MTA3: variants seen among roughly 807,000 people sequenced by gnomAD.
MTA3 encodes the protein metastasis associated 1 family member 3.
In MTA3, 34 loss-of-function variants were observed where a neutral mutation model predicts 83.5. The ratio of observed to expected loss-of-function variants is 0.41; its 90% CI spans 0.31 to 0.54. MTA3 has a LOEUF of 0.54. Among genes scored for constraint, MTA3 ranks in the 20% least tolerant of loss-of-function variants. The pLI, the probability that MTA3 is intolerant of heterozygous loss-of-function variation, is 0.33. For synonymous variants in MTA3, 303 were observed against 252.7 expected (o/e 1.20, Z -1.89); for missense variants, 761 against 726.4 (o/e 1.05, Z -0.55).
intron 2 of MTA3, among the ~76,000 whole-genome samples, chr2:42,533,606 G>A (rs1353249066): frequency 2.0e-5 from 3 of 148,880 alleles, no homozygotes; most frequent in African/African-American, 7.4e-5. Context: ...GGCCGAGGTG[G>A]GCGGATCACG....
intron 9 of MTA3, among the ~76,000 whole-genome samples, chr2:42,690,649 AATTATGGGGTACATG>A (rs1329688736): frequency 2.0e-5 from 3 of 147,430 alleles, no homozygotes; most frequent in Non-Finnish European, 4.5e-5. Context: ...AGGTGTATAT[AATTATGGGGTACATG>A]AAATTTTTTA....
chr2:42,515,266 C>G (rs888361706), intron 2 of MTA3, among the ~76,000 whole-genome samples: 2 of 151,760 alleles, frequency 1.3e-5, no homozygotes, highest in Admixed American at 6.6e-5. Flanking sequence ...ACCCTGTTGG[C>G]CAGGCTGGTC....
chr2:42,628,862 C>G (rs1199496099), intron 4 of MTA3, among the ~76,000 whole-genome samples: 1 of 146,532 alleles, frequency 6.8e-6, no homozygotes, highest in East Asian at 2.0e-4. Flanking sequence ...GTGTCAGAAA[C>G]AAATAAATGA....
At chr2:42,711,247 G>A (rs185242372) in intron 14 of MTA3, among the ~76,000 whole-genome samples, 4 of 152,178 alleles carry the variant, frequency 2.6e-5, no homozygotes, top group African/African-American at 4.8e-5. Context: ...CCCAGGGCTT[G>A]TGTGTTAATT....
chr2:42,662,846 C>A (rs1483496324), intron 8 of MTA3, among the ~76,000 whole-genome samples: 1 of 151,740 alleles, frequency 6.6e-6, no homozygotes, highest in Non-Finnish European at 1.5e-5. Flanking sequence ...ATTCTTCTGC[C>A]TCAGCCTCCC....
chr2:42,639,418 C>T lies in MTA3; in HGVS notation c.318-755C>T, dbSNP rs143126680. 2.6e-3 allele frequency among the ~76,000 whole-genome samples: 400 copies of T among 152,158 alleles called. 2 individuals carry two copies. The highest frequency in any genetic ancestry group is 8.3e-3 in the African/African-American group (345 of 41,520). ...TCCTGTCAGATTTCTATTAGTTATA[C>T]GGATTTTTTTAGGCTAGTTAGGGTC... is the stretch of plus-strand genomic sequence containing the variant. On this transcript the variant is annotated intron_variant, in intron 4 of 16. Coordinates refer to ENST00000405094, the MANE Select transcript of MTA3 (RefSeq NM_001330442.2).
At chr2:42,699,566 T>G (rs1693680968) in intron 11 of MTA3, among the ~76,000 whole-genome samples, 1 of 152,170 alleles carries the variant, frequency 6.6e-6, no homozygotes, top group Admixed American at 6.5e-5. Flanking sequence ...AGAGGAAAGA[T>G]AACACTAGCT....
rs1269501872 is a variant in MTA3 at position 42,640,216 on chromosome 2, T to G, written c.361T>G (p.Leu121Val). The G allele has an allele frequency of 1.9e-6, 3 of 1,607,392 alleles. No individual in the cohort carries two copies. The highest frequency in any genetic ancestry group is 2.5e-6 in the Non-Finnish European group (3 of 1,177,606). ...CCTTCTGAATGAGACAGAATCAGTA[T>G]TGTCATATCTTGATAAGGAGGTAAT... Reference protein sequence around the residue: ...VALLNETESVLSYLDKEDTFF... With the variant: ...VALLNETESVVSYLDKEDTFF... The change falls in exon 5 of 17, where the codon TTG (leucine) becomes GTG (valine). Residue 121 changes from leucine to valine, a missense_variant. Physicochemically the swap from Leu to Val is conservative, Grantham distance 32 (BLOSUM62 1). Coordinates refer to ENST00000405094, the MANE Select transcript of MTA3 (RefSeq NM_001330442.2).
intron 2 of MTA3, among the ~76,000 whole-genome samples, chr2:42,498,381 T>C (rs747155392): frequency 2.6e-5 from 4 of 152,090 alleles, no homozygotes; most frequent in Admixed American, 6.6e-5. Context: ...AAAGGAGAGC[T>C]TTATTGTTGT....
At chr2:42,686,340 A>T (rs778986630) in intron 9 of MTA3, among the ~76,000 whole-genome samples, 11 of 152,180 alleles carry the variant, frequency 7.2e-5, no homozygotes. Flanking sequence ...TCACTCCTTT[A>T]CAGTTTTTTA....
chr2:42,716,401 T>C (rs1327517449), intron 14 of MTA3, among the ~76,000 whole-genome samples: 1 of 152,064 alleles, frequency 6.6e-6, no homozygotes, highest in East Asian at 1.9e-4. Context: ...GTCAAGGGGG[T>C]TTGTTGTACA....
rs1670102590 is a variant in MTA3 at position 42,754,438 on chromosome 2, C to T, written c.*1039C>T. 4.1e-6 allele frequency: 4 copies of T among 985,454 alleles called. No homozygotes were observed. Among genetic ancestry groups the T allele is most frequent in the Non-Finnish European group, 4.8e-6 (4 of 830,054 alleles). 61.0% of individuals were successfully genotyped at this position (985,454 alleles called of 1,614,324 possible). A position where few individuals can be genotyped will look rare whatever the true frequency, so the allele number is the denominator to read the frequency against. The stretch of plus-strand genomic sequence containing the variant: ...ACCTAGGCCCCGGGGGACCTGCCTG[C>T]TCCTTTGGCTTGGGCTCTTCGTGTT... On this transcript the variant is annotated 3_prime_UTR_variant, in exon 17 of 17. Coordinates refer to ENST00000405094, the MANE Select transcript of MTA3 (RefSeq NM_001330442.2).
chr2:42,553,516 AC>A (rs963992086), intron 2 of MTA3, among the ~76,000 whole-genome samples: 38 of 151,324 alleles, frequency 2.5e-4, no homozygotes, highest in African/African-American at 9.0e-4. Context: ...CGGGCATATC[AC>A]CTGAGGTCAG....
At chr2:42,570,167 G>A (rs1678308066) in intron 1 of MTA3, among the ~76,000 whole-genome samples, 1 of 151,924 alleles carries the variant, frequency 6.6e-6, no homozygotes, top group African/African-American at 2.4e-5. Context: ...TGTCTTTTTT[G>A]TTTATTATTA....
At chr2:42,748,248 T>C (rs990489329) in intron 16 of MTA3, among the ~76,000 whole-genome samples, 2 of 150,564 alleles carry the variant, frequency 1.3e-5, no homozygotes, top group Admixed American at 1.3e-4. Context: ...TGTGTTTTAG[T>C]AGAGACGGGG....
At chr2:42,509,721 T>C (rs1039160099) in intron 2 of MTA3, among the ~76,000 whole-genome samples, 2 of 151,858 alleles carry the variant, frequency 1.3e-5, no homozygotes, top group African/African-American at 4.8e-5. Context: ...CAGTGAGCCA[T>C]GATCATACCA....
chr2:42,649,775 G>C (rs1688538381), intron 6 of MTA3, among the ~76,000 whole-genome samples: 1 of 152,128 alleles, frequency 6.6e-6, no homozygotes, highest in African/African-American at 2.4e-5. Flanking sequence ...AGACTCTGAA[G>C]ATATTTCCTT....
chr2:42,499,645 C>A (rs562728526), intron 2 of MTA3, among the ~76,000 whole-genome samples: 1 of 150,574 alleles, frequency 6.6e-6, no homozygotes, highest in African/African-American at 2.4e-5. Context: ...CAAAATTAGC[C>A]GGGGTGGTGA....
intron 4 of MTA3, among the ~76,000 whole-genome samples, chr2:42,610,951 T>A (rs2104096520): frequency 6.6e-6 from 1 of 151,962 alleles, no homozygotes; most frequent in African/African-American, 2.4e-5. Context: ...ACTATATATA[T>A]AGACATAAAA....
Sources: gnomAD v4.1 joint callset for allele counts (sites outside exome capture counted in the v4.1 genomes callset) on GRCh38, gnomAD v4.1.1 for gene constraint, MANE v1.5 for transcripts, NCBI Gene and HGNC (gene_info 2026-07-23, HGNC 2026-07-21) for gene names.